The following NOS2 variants were observed in gnomAD, a reference collection of about 807,000 sequenced individuals.
The protein encoded by NOS2 is nitric oxide synthase, inducible.
NOS2 carries 96 observed loss-of-function variants against 136.0 expected under a neutral mutation model. The observed-to-expected ratio is 0.71, with a 90% confidence interval of 0.60 to 0.84. The LOEUF (loss-of-function observed/expected upper bound fraction) is 0.84, where lower values mean the gene tolerates loss of function less well. NOS2 is among the 40% of genes least tolerant of loss of function. The probability of loss-of-function intolerance (pLI) is 0.00; values close to 1 mark genes in which losing one functional copy is unlikely to be tolerated. For synonymous variants in NOS2, 539 were observed against 587.5 expected, an observed-to-expected ratio of 0.92 and a Z score of 1.20; for missense variants, 1,237 against 1,496.9, an observed-to-expected ratio of 0.83 and a Z score of 2.87.
chr17:27,789,861 T>G (rs1265906064), intron 2 of NOS2, among the ~76,000 whole-genome samples, 173 bp from the exon 3 acceptor site: 1 of 152,140 alleles, frequency 6.6e-6, no homozygotes, highest in Non-Finnish European at 1.5e-5. Flanking sequence ...TCTTCCCTCT[T>G]CCTCTTATCT....
At chr17:27,789,714 G>A in intron 2 of NOS2, 26 bp from the exon 3 acceptor site, 1 of 1,566,326 alleles carries the variant, frequency 6.4e-7, no homozygotes, top group Non-Finnish European at 8.8e-7. Context: ...GCTAGCATGA[G>A]ATGCGGTATC....
chr17:27,783,644 C>G (rs1404791046), intron 5 of NOS2, among the ~76,000 whole-genome samples: 2 of 152,270 alleles, frequency 1.3e-5, no homozygotes, highest in Middle Eastern at 3.4e-3. Context: ...GTGAAGCAAC[C>G]CACAGGCAGG....
chr17:27,777,167 T>C (rs548627222), intron 11 of NOS2, among the ~76,000 whole-genome samples: 1 of 152,300 alleles, frequency 6.6e-6, no homozygotes, highest in Admixed American at 6.5e-5. Context: ...GACCCAGTCA[T>C]GGGGAACAGT....
chr17:27,798,937 G>T (rs1597563368), intron 1 of NOS2, 55 bp from the exon 2 acceptor site: 1 of 665,706 alleles, frequency 1.5e-6, no homozygotes. Context: ...ACAGAACAGG[G>T]CTTCTCAGTG....
chr17:27,781,221 G>C (rs1908837632), intron 7 of NOS2, 44 bp from the exon 8 acceptor site: 1 of 1,569,642 alleles, frequency 6.4e-7, no homozygotes, highest in Non-Finnish European at 8.6e-7. Flanking sequence ...TAGCCCTGGT[G>C]GGGGCCCAGC....
intron 17 of NOS2, among the ~76,000 whole-genome samples, 160 bp downstream of exon 17, chr17:27,768,817 A>T (rs1908394966): frequency 6.6e-6 from 1 of 152,158 alleles, no homozygotes; most frequent in South Asian, 2.1e-4. Context: ...AGCAGCAGTG[A>T]CCTAAGCCCT....
Position 27,762,978 on chromosome 17 carries a change from T to C in NOS2, c.2620A>G (p.Thr874Ala), listed in dbSNP as rs371096575. Residue 874 changes from threonine to alanine, a missense_variant, in exon 22 of 27, where the codon ACC becomes GCC. Transcript: ENST00000313735. ...ACCTCCAGGAATGTGGGGCTGTTGG[T>C]GAACTTCCACTTGCTGTACTCTGAG... Reference protein sequence around the residue: ...QPSEYSKWKFTNSPTFLEVLE... With the variant: ...QPSEYSKWKFANSPTFLEVLE... The C allele has an allele frequency of 1.9e-6, 3 of 1,604,428 alleles. No individual in the cohort carries two copies. In the African/African-American group the frequency reaches 4.0e-5, roughly 21 times the overall value.
chr17:27,757,201 A>G lies in NOS2; in HGVS notation c.*45T>C, dbSNP rs550113730. On this transcript the variant is annotated 3_prime_UTR_variant, in exon 27 of 27. Transcript: ENST00000313735. ...CCTCAGATAATGCAGAGCTGGCTCC[A>G]TCCTTAAGTTCTGTGCCGGCAGCTT... 4.6e-5 allele frequency: 69 copies of G among 1,498,612 alleles called. No homozygotes were observed. The South Asian group carries it at 5.3e-4, about 11-fold the overall frequency. The allele number at this position is 1,498,612 out of a possible 1,614,324, so 92.8% of individuals were successfully genotyped here. A position where few individuals can be genotyped will look rare whatever the true frequency, so the allele number is the denominator to read the frequency against.
At chr17:27,787,411 C>T (rs912987720) in intron 5 of NOS2, among the ~76,000 whole-genome samples, 40 of 152,144 alleles carry the variant, frequency 2.6e-4, no homozygotes, top group African/African-American at 9.4e-4. Flanking sequence ...ATGATGAGGA[C>T]GTTCAGACAC....
Position 27,789,654 on chromosome 17 carries a change from G to A in NOS2, c.145C>T (p.Leu49Phe), listed in dbSNP as rs200186047. The A allele has an allele frequency of 5.0e-6, 8 of 1,613,984 alleles. No homozygotes were observed. Among genetic ancestry groups the A allele is most frequent in the Non-Finnish European group, 6.8e-6 (8 of 1,179,954 alleles). The change falls in exon 3 of 27, where the codon CTC (leucine) becomes TTC (phenylalanine). Residue 49 changes from leucine to phenylalanine, a missense_variant. Around this residue, in one of 3 missense-constraint regions of NOS2, gnomAD observed 440 missense variants for 545.4 expected, o/e 0.81. Coordinates refer to ENST00000313735, the MANE Select transcript of NOS2 (RefSeq NM_000625.4). ...GGGGACTCATTCTGCTGCTTGCTGA[G>A]GTTGTGATACTGAAGGTCATCCTGT... ...VTQDDLQYHNLSKQQNESPQP... is the reference protein window; with the variant it reads ...VTQDDLQYHNFSKQQNESPQP...
rs113876125 is a variant in NOS2 at position 27,779,114 on chromosome 17, AT to A, written c.1005-59del. Reference sequence around the variant, plus strand: ...CCTTCCTTATTTTTATTTTATTATTATTTTTTTTTTAGTGACTTGGTCTTGC... The same window carrying A: ...CCTTCCTTATTTTTATTTTATTATTATTTTTTTTTAGTGACTTGGTCTTGC... On this transcript the variant is annotated intron_variant, in intron 9 of 26. Coordinates refer to ENST00000313735, the MANE Select transcript of NOS2 (RefSeq NM_000625.4). 8,619 of 1,049,742 alleles carry A rather than the reference AT, an allele frequency of 8.2e-3. 3 individuals are homozygous for A. The highest frequency in any genetic ancestry group is 0.012 in the Middle Eastern group (31 of 2,606). The allele number at this position is 1,049,742 out of a possible 1,614,324, so 65.0% of individuals were successfully genotyped here. A position where few individuals can be genotyped will look rare whatever the true frequency, so the allele number is the denominator to read the frequency against.
In NOS2 at chr17:27,767,775, G is replaced by A. The variant is rs1468897324; in HGVS notation, c.2097C>T (p.Thr699=). The A allele has an allele frequency of 3.1e-6, 5 of 1,612,892 alleles. No individual in the cohort carries two copies. The highest frequency in any genetic ancestry group is 2.2e-5 in the East Asian group (1 of 44,898). Residue 699 remains threonine, a synonymous_variant, in exon 18 of 27, where the codon ACC becomes ACT. Coordinates refer to ENST00000313735, the MANE Select transcript of NOS2 (RefSeq NM_000625.4). The part of the protein sequence containing the change: ...KQHIQIPKLY[T]SNVTWDPHHY... ...GGTGCGGGTCCCAGGTCACATTGGA[G>A]GTGTAGAGCTTGGGGATCTGAATGT... is the stretch of plus-strand genomic sequence containing the variant.
chr17:27,768,439 G>A (rs1451463580), intron 17 of NOS2, among the ~76,000 whole-genome samples: 1 of 152,158 alleles, frequency 6.6e-6, no homozygotes, highest in African/African-American at 2.4e-5. Context: ...CTGGTGTGGA[G>A]CCACATGGAG....
chr17:27,786,245 A>AC (rs1909020808), intron 5 of NOS2, among the ~76,000 whole-genome samples: 1 of 149,764 alleles, frequency 6.7e-6, no homozygotes, highest in South Asian at 2.1e-4. Context: ...ACATGATGAA[A>AC]CCCCATCTCA....
rs1386634168 is a variant in NOS2 at position 27,757,286 on chromosome 17, A to G, written c.3422T>C (p.Val1141Ala). The G allele has an allele frequency of 9.3e-6, 15 of 1,614,036 alleles. No individual in the cohort carries two copies. Among genetic ancestry groups the G allele is most frequent in the African/African-American group, 2.7e-5 (2 of 75,018 alleles). ...VFPYEAKKDR[V>A]AVQPSSLEMS... ...CTCCAGGCTGCTGGGCTGCACCGCC[A>G]CCCTGTCCTTCTTCGCCTCGTAAGG... Residue 1141 changes from valine (V) to alanine (A), a missense_variant, in exon 27 of 27, where the codon GTG (valine) becomes GCG (alanine). Val to Ala is a moderately conservative substitution (Grantham distance 64, BLOSUM62 0). Around this residue, in one of 3 missense-constraint regions of NOS2, gnomAD observed 782 missense variants for 909.9 expected, o/e 0.86. Transcript: ENST00000313735.
intron 1 of NOS2, among the ~76,000 whole-genome samples, chr17:27,799,125 C>T (rs1024717901): frequency 3.9e-5 from 6 of 152,198 alleles, no homozygotes; most frequent in Non-Finnish European, 8.8e-5. Flanking sequence ...CCCATCGCCA[C>T]TTAACAAGGA....
At position 27,783,732 on chromosome 17, in the gene NOS2, A is replaced by T. The variant is rs376329620; in HGVS notation, c.468-626T>A. ...ATCTCAAGGCTCTAGGAGGTTAAGCACCAGGCCCAGGAACATAAGTACAGG... is the reference window on the plus strand; with the variant it reads ...ATCTCAAGGCTCTAGGAGGTTAAGCTCCAGGCCCAGGAACATAAGTACAGG... On this transcript the variant is annotated intron_variant, in intron 5 of 26. Transcript: ENST00000313735. Among the ~76,000 whole-genome samples the T allele has an allele frequency of 2.6e-5, 4 of 152,210 alleles. No individual in the cohort carries two copies. The East Asian group carries it at 5.8e-4, about 22-fold the overall frequency.
chr17:27,790,342 C>T (rs1162738988), intron 2 of NOS2, among the ~76,000 whole-genome samples: 1 of 152,208 alleles, frequency 6.6e-6, no homozygotes, highest in Admixed American at 6.5e-5. Context: ...GATCCTCCCA[C>T]CTTAGCCTCC....
chr17:27,796,695 C>T (rs188799583), intron 2 of NOS2, among the ~76,000 whole-genome samples: 11 of 152,158 alleles, frequency 7.2e-5, no homozygotes, highest in Non-Finnish European at 1.3e-4. Context: ...GCGTGACTTG[C>T]TAGAAGTCCA....
Sources: allele counts gnomAD v4.1 joint callset (sites outside exome capture counted in the v4.1 genomes callset), GRCh38; gene constraint gnomAD v4.1.1; regional missense constraint gnomAD v4.1.1; transcripts MANE v1.5; gene names NCBI Gene and HGNC (gene_info 2026-07-23, HGNC 2026-07-21).